KDM4C: variants seen among roughly 807,000 people sequenced by gnomAD.
KDM4C encodes lysine-specific demethylase 4C.
In KDM4C, 81 loss-of-function variants were observed where a neutral mutation model predicts 129.3. The ratio of observed to expected loss-of-function variants is 0.63; its 90% confidence interval spans 0.52 to 0.75. The LOEUF (loss-of-function observed/expected upper bound fraction) is 0.75. KDM4C is among the 30% of genes least tolerant of loss of function. The pLI, the probability that KDM4C is intolerant of heterozygous loss-of-function variation, is 0.00. For synonymous variants in KDM4C, 573 were observed against 456.1 expected, an observed-to-expected ratio of 1.26 and a Z score of -3.26; for missense variants, 1,457 against 1,304.0, an observed-to-expected ratio of 1.12 and a Z score of -1.81.
chr9:6,828,566 C>A (rs1834273986), intron 4 of KDM4C, among the ~76,000 whole-genome samples: 1 of 142,666 alleles, frequency 7.0e-6, no homozygotes, highest in Non-Finnish European at 1.5e-5. Context: ...TTCTGTCAGA[C>A]ATAGTTTAAA....
At chr9:6,832,166 G>A (rs959118241) in intron 4 of KDM4C, among the ~76,000 whole-genome samples, 10 of 151,528 alleles carry the variant, frequency 6.6e-5, no homozygotes, top group African/African-American at 2.2e-4. Flanking sequence ...GTGAAACCCC[G>A]TCTCTCCTAA....
intron 1 of KDM4C, among the ~76,000 whole-genome samples, chr9:6,778,721 C>T (rs1316911944): frequency 6.6e-6 from 1 of 151,946 alleles, no homozygotes; most frequent in East Asian, 2.0e-4. Flanking sequence ...GAGCTGGGAT[C>T]ATGCCACTAC....
In KDM4C at chr9:6,840,039, C is replaced by T. The variant is rs192330105; in HGVS notation, c.436-9468C>T. On this transcript the variant is annotated intron_variant, in intron 4 of 21. Transcript: ENST00000381309. ...GCTATGATATACTGGACAGATGATACATTTGCTGTTGAGGAGACTAACTGT... is the reference window on the plus strand; with the variant it reads ...GCTATGATATACTGGACAGATGATATATTTGCTGTTGAGGAGACTAACTGT... Among the ~76,000 whole-genome samples, 111 of 152,174 alleles carry T rather than the reference C, an allele frequency of 7.3e-4. 1 individual carries two copies. Among genetic ancestry groups the T allele is most frequent in the Non-Finnish European group, 1.4e-3 (95 of 67,980 alleles).
At chr9:7,086,819 C>T (rs1363141880) in intron 17 of KDM4C, among the ~76,000 whole-genome samples, 1 of 152,240 alleles carries the variant, frequency 6.6e-6, no homozygotes, top group Non-Finnish European at 1.5e-5. Flanking sequence ...AACTCTCAAA[C>T]ATACTTTTTT....
At position 6,984,332 on chromosome 9, in the gene KDM4C, T is replaced by A; in HGVS notation, c.1282T>A (p.Ser428Thr). ...AGTGAAGCTGAGGAACACAGAAGCA[T>A]CTTCAGAAGAAGAGTCATCTGCTAG... ...AAVKLRNTEA[S>T]SEEESSASRM... is the part of the protein sequence containing the mutation. The change falls in exon 10 of 22, where the codon TCT becomes ACT. Residue 428 changes from serine (S) to threonine (T), a missense_variant. Coordinates refer to ENST00000381309, the MANE Select transcript of KDM4C (RefSeq NM_015061.6). The A allele has an allele frequency of 6.2e-7, 1 of 1,614,058 alleles. No individual in the cohort carries two copies. The highest frequency in any genetic ancestry group is 8.5e-7 in the Non-Finnish European group (1 of 1,179,940).
chr9:6,875,276 T>G (rs1327661243), intron 5 of KDM4C, among the ~76,000 whole-genome samples: 1 of 152,140 alleles, frequency 6.6e-6, no homozygotes, highest in Non-Finnish European at 1.5e-5. Context: ...CTTAGGGAGC[T>G]GAGATAGGAT....
chr9:7,005,655 A>T (rs186670367), intron 12 of KDM4C, among the ~76,000 whole-genome samples: 4 of 152,242 alleles, frequency 2.6e-5, no homozygotes, highest in African/African-American at 9.6e-5. Flanking sequence ...ACCCCCACAG[A>T]CCTTTGCAGA....
chr9:7,156,805 CT>C, intron 19 of KDM4C, among the ~76,000 whole-genome samples: 1 of 152,134 alleles, frequency 6.6e-6, no homozygotes. Flanking sequence ...CAGCTTTGTT[CT>C]TTTGGCTTAG....
Position 6,758,121 on chromosome 9 carries a change from TTCCCAAATC to T in KDM4C, c.-95_-87del, listed in dbSNP as rs1158452845. 1.0e-6 allele frequency: 1 copy of T among 985,386 alleles called. No individual in the cohort carries two copies. The allele number at this position is 985,386 out of a possible 1,614,324, so 61.0% of individuals were successfully genotyped here. On this transcript the variant is annotated 5_prime_UTR_variant, in exon 1 of 22. Coordinates refer to ENST00000381309, the MANE Select transcript of KDM4C (RefSeq NM_015061.6). The surrounding 1 kb of genome is among the most constrained non-coding windows in gnomAD (Gnocchi z 4.6). ...CTAGTGCGGAACAAGTCTCCCAAAT[TTCCCAAATC>T]TCCCTGGGCCGGAGGCCACTGTCTT...
chr9:6,926,644 A>G (rs760325989), intron 8 of KDM4C, among the ~76,000 whole-genome samples: 1 of 152,224 alleles, frequency 6.6e-6, no homozygotes, highest in African/African-American at 2.4e-5. Context: ...TGCTAAGAAC[A>G]CATGGTGGGA....
At chr9:6,730,587 C>T (rs34693373) in intron 1 of KDM4C, among the ~76,000 whole-genome samples, 12,883 of 151,086 alleles carry the variant, frequency 0.085, 722 homozygotes, top group Non-Finnish European at 0.12. Context: ...TGCACTCCAG[C>T]CTGGGCGACA....
intron 13 of KDM4C, among the ~76,000 whole-genome samples, chr9:7,013,031 TCTTC>T (rs1421094440): frequency 2.0e-5 from 3 of 152,206 alleles, no homozygotes; most frequent in African/African-American, 7.2e-5. Context: ...ATTATTTTTC[TCTTC>T]CTTTAGTCAT....
At chr9:6,790,147 G>A (rs13292390) in intron 1 of KDM4C, among the ~76,000 whole-genome samples, 49,314 of 150,028 alleles carry the variant, frequency 0.33, 8,301 homozygotes, top group Middle Eastern at 0.37. Context: ...GGTGTGATCC[G>A]CTCGCCTTGG....
chr9:7,170,351 T>A, intron 21 of KDM4C: 1 of 1,016,342 alleles, frequency 9.8e-7, no homozygotes, highest in Non-Finnish European at 1.2e-6. Flanking sequence ...AAGTTACTGA[T>A]GTTTGTGTCA....
At chr9:6,839,269 A>AC (rs1836455454) in intron 4 of KDM4C, among the ~76,000 whole-genome samples, 1 of 152,108 alleles carries the variant, frequency 6.6e-6, no homozygotes, top group African/African-American at 2.4e-5. Flanking sequence ...TCACTCGGTT[A>AC]CCCAGGCTAG....
intron 8 of KDM4C, among the ~76,000 whole-genome samples, chr9:6,932,772 C>T (rs1328360414): frequency 3.3e-5 from 5 of 152,260 alleles, no homozygotes; most frequent in African/African-American, 9.6e-5. Flanking sequence ...TTTTTGATTG[C>T]ATGATGGGGG....
intron 17 of KDM4C, among the ~76,000 whole-genome samples, chr9:7,078,051 G>GA (rs1219706525): frequency 6.6e-6 from 1 of 152,040 alleles, no homozygotes; most frequent in Non-Finnish European, 1.5e-5. Flanking sequence ...GTTTTGATGA[G>GA]AAAAAAATTA....
intron 5 of KDM4C, among the ~76,000 whole-genome samples, chr9:6,856,940 G>A (rs1486920982): frequency 5.9e-5 from 9 of 151,900 alleles, no homozygotes; most frequent in African/African-American, 2.2e-4. Context: ...TGTATTTTTA[G>A]TAGAGACGGG....
intron 1 of KDM4C, among the ~76,000 whole-genome samples, chr9:6,787,529 A>G (rs1825736248): frequency 6.6e-6 from 1 of 152,248 alleles, no homozygotes; most frequent in South Asian, 2.1e-4. Flanking sequence ...CACCACGCCC[A>G]GGCCCAGAGC....
Sources: allele counts gnomAD v4.1 joint callset (sites outside exome capture counted in the v4.1 genomes callset), GRCh38; gene constraint gnomAD v4.1.1; non-coding constraint Gnocchi (gnomAD v3.1); transcripts MANE v1.5; gene names NCBI Gene and HGNC (gene_info 2026-07-23, HGNC 2026-07-21).